Variants in INTS9 observed in about 807,000 individuals in gnomAD.
INTS9 encodes the protein protein related to CPSF subunits of 74 kDa.
INTS9 carries 55 observed loss-of-function variants against 79.7 expected under a neutral mutation model. The observed-to-expected ratio is 0.69, with a 90% confidence interval of 0.56 to 0.86. The LOEUF is 0.86. Ranked by LOEUF, INTS9 falls within the 40% of genes least tolerant of loss-of-function variation. INTS9 has a pLI of 0.00. For synonymous variants in INTS9, 319 were observed against 325.2 expected (o/e 0.98, Z 0.20); for missense variants, 721 against 831.5 (o/e 0.87, Z 1.64).
At position 28,826,445 on chromosome 8, in the gene INTS9, G is replaced by A. The variant is rs77995751; in HGVS notation, c.488+8847C>T. 3.2e-3 allele frequency among the ~76,000 whole-genome samples: 487 copies of A among 152,274 alleles called. 4 individuals carry two copies. Among genetic ancestry groups the A allele is most frequent in the African/African-American group, 0.01 (436 of 41,554 alleles). The stretch of plus-strand genomic sequence containing the variant: ...TCAAGGAGGAGCTCAGGGGTAACCC[G>A]GAGGAGGAAAGCCAAGCCGTCCCAC... On this transcript the variant is annotated intron_variant, in intron 6 of 16. Coordinates refer to ENST00000521022, the MANE Select transcript of INTS9 (RefSeq NM_018250.4).
At chr8:28,839,115 G>A (rs1807002848) in intron 4 of INTS9, among the ~76,000 whole-genome samples, 1 of 152,128 alleles carries the variant, frequency 6.6e-6, no homozygotes, top group African/African-American at 2.4e-5. Flanking sequence ...GGGTCCTTGA[G>A]ATAATACATC....
chr8:28,831,038 A>G (rs893497925), intron 6 of INTS9, among the ~76,000 whole-genome samples: 2 of 152,228 alleles, frequency 1.3e-5, no homozygotes, highest in African/African-American at 4.8e-5. Context: ...TATTCACAAT[A>G]GCAAAGATAT....
intron 8 of INTS9, among the ~76,000 whole-genome samples, chr8:28,804,071 G>T (rs929111287): frequency 1.3e-5 from 2 of 152,114 alleles, no homozygotes; most frequent in Non-Finnish European, 2.9e-5. Flanking sequence ...CCACAGGTAT[G>T]TGCCACCACG....
chr8:28,793,081 G>A (rs534064149), intron 10 of INTS9, among the ~76,000 whole-genome samples: 2 of 152,240 alleles, frequency 1.3e-5, no homozygotes, highest in East Asian at 3.9e-4. Flanking sequence ...AGAAGATGAT[G>A]TACAAATTCC....
rs147409350 is a variant in INTS9 at position 28,828,571 on chromosome 8, G to A, written c.488+6721C>T. ...AAACAGATCTGAAATTCAAATACCA[G>A]TCTATTTGACCTCCGAGCACACACT... On this transcript the variant is annotated intron_variant, in intron 6 of 16. Transcript: ENST00000521022. 1.5e-3 allele frequency among the ~76,000 whole-genome samples: 226 copies of A among 152,282 alleles called. 3 individuals carry two copies. In the East Asian group the frequency reaches 0.038, roughly 26 times the overall value.
Position 28,813,629 on chromosome 8 carries a change from A to C in INTS9, c.489-17T>G. On this transcript the variant is annotated splice_polypyrimidine_tract_variant and intron_variant, in intron 6 of 16. Coordinates refer to ENST00000521022, the MANE Select transcript of INTS9 (RefSeq NM_018250.4). ...GGTAACAGCCTGCAAATGGATCACA[A>C]TGTCAACTACCAGGTGAACATTTCT... is the stretch of plus-strand genomic sequence containing the variant. 6.2e-7 allele frequency: 1 copy of C among 1,612,014 alleles called. No individual in the cohort carries two copies. Among genetic ancestry groups the C allele is most frequent in the Non-Finnish European group, 8.5e-7 (1 of 1,179,294 alleles).
At chr8:28,768,603 C>A (rs1330397358) in intron 16 of INTS9, among the ~76,000 whole-genome samples, 1 of 152,208 alleles carries the variant, frequency 6.6e-6, no homozygotes, top group Non-Finnish European at 1.5e-5. Context: ...GAGTCTGGGA[C>A]GCTCAGCTGC....
intron 6 of INTS9, among the ~76,000 whole-genome samples, chr8:28,825,207 G>A (rs1038258323): frequency 1.3e-5 from 2 of 152,216 alleles, no homozygotes; most frequent in African/African-American, 4.8e-5. Context: ...CTCTCACTCT[G>A]GGCCCGGTAG....
At chr8:28,804,198 T>C (rs1367137241) in intron 8 of INTS9, among the ~76,000 whole-genome samples, 2 of 152,126 alleles carry the variant, frequency 1.3e-5, no homozygotes, top group Non-Finnish European at 2.9e-5. Context: ...GGTGTTGGGA[T>C]TACAGGCATG....
intron 13 of INTS9, 170 bp from the exon 14 acceptor site, chr8:28,776,096 G>T: frequency 2.0e-6 from 1 of 494,576 alleles, no homozygotes; most frequent in Non-Finnish European, 3.5e-6. Flanking sequence ...GAGAGGGAAC[G>T]TGAAGGCACT....
intron 3 of INTS9, among the ~76,000 whole-genome samples, chr8:28,847,454 T>TCCA (rs559854008): frequency 1.1e-4 from 17 of 150,544 alleles, no homozygotes; most frequent in African/African-American, 2.9e-4. Context: ...CACCACTACC[T>TCCA]CCACCACCAC....
intron 8 of INTS9, among the ~76,000 whole-genome samples, chr8:28,804,872 A>G (rs1804720044): frequency 6.6e-6 from 1 of 152,246 alleles, no homozygotes; most frequent in African/African-American, 2.4e-5. Flanking sequence ...GAAGAGTTCA[A>G]TAGATAGGCT....
At chr8:28,782,292 A>C (rs764012535) in intron 11 of INTS9, among the ~76,000 whole-genome samples, 8 of 152,128 alleles carry the variant, frequency 5.3e-5, no homozygotes, top group Non-Finnish European at 1.0e-4. Context: ...TTCTTGTTTG[A>C]AGTACAAGTG....
At chr8:28,808,450 C>T (rs1423792322) in intron 8 of INTS9, among the ~76,000 whole-genome samples, 1 of 152,146 alleles carries the variant, frequency 6.6e-6, no homozygotes, top group Non-Finnish European at 1.5e-5. Context: ...TCCCAAAGTG[C>T]TAGGATTACA....
At chr8:28,863,796 AAAAC>A (rs1325215031) in intron 1 of INTS9, among the ~76,000 whole-genome samples, 4 of 152,170 alleles carry the variant, frequency 2.6e-5, no homozygotes, top group East Asian at 1.9e-4. Flanking sequence ...AACAAAAACA[AAAAC>A]AAACAAACAA....
chr8:28,830,087 CAGAT>C, intron 6 of INTS9, among the ~76,000 whole-genome samples: 1 of 151,502 alleles, frequency 6.6e-6, no homozygotes, highest in South Asian at 2.1e-4. Flanking sequence ...ACAGAGAAGA[CAGAT>C]AGAGGCTATA....
chr8:28,801,611 T>C (rs1338304352), intron 8 of INTS9, among the ~76,000 whole-genome samples: 1 of 152,204 alleles, frequency 6.6e-6, no homozygotes, highest in Non-Finnish European at 1.5e-5. Flanking sequence ...AGTCTTTATT[T>C]ACTTATTTAT....
intron 1 of INTS9, among the ~76,000 whole-genome samples, chr8:28,861,216 G>C (rs894879310): frequency 6.6e-6 from 1 of 152,172 alleles, no homozygotes; most frequent in Non-Finnish European, 1.5e-5. Context: ...TTCTTTGATA[G>C]GTATCAGGAT....
chr8:28,816,350 T>C (rs909654465), intron 6 of INTS9, among the ~76,000 whole-genome samples: 87 of 135,518 alleles, frequency 6.4e-4, no homozygotes, highest in African/African-American at 2.4e-3. Flanking sequence ...CCCCTTCCTG[T>C]GTCCATATGT....
Sources: gnomAD v4.1 joint callset for allele counts (sites outside exome capture counted in the v4.1 genomes callset) on GRCh38, gnomAD v4.1.1 for gene constraint, MANE v1.5 for transcripts, NCBI Gene and HGNC (gene_info 2026-07-23, HGNC 2026-07-21) for gene names.